CLVS1: variants seen among roughly 807,000 people sequenced by gnomAD.
CLVS1 encodes the protein clavesin 1, also known as clavesin-1.
Under a neutral mutation model 33.1 loss-of-function variants are expected in CLVS1, and 10 were observed. The ratio of observed to expected loss-of-function variants is 0.30; its 90% CI spans 0.19 to 0.51. The LOEUF is 0.51. Among genes scored for constraint, CLVS1 ranks in the 20% least tolerant of loss-of-function variants. CLVS1 has a pLI of 0.97. For missense variants in CLVS1, 343 were observed against 433.4 expected, an observed-to-expected ratio of 0.79 and a Z score of 1.85; for synonymous variants, 163 against 166.1, an observed-to-expected ratio of 0.98 and a Z score of 0.14.
At chr8:61,170,282 A>G (rs1806966473) in intron 2 of CLVS1, among the ~76,000 whole-genome samples, 1 of 152,072 alleles carries the variant, frequency 6.6e-6, no homozygotes, top group Non-Finnish European at 1.5e-5. Context: ...TTCCCACAGC[A>G]TCAGCTTGTG....
the CLVS1 span, among the ~76,000 whole-genome samples, chr8:61,017,373 A>G: frequency 6.6e-6 from 1 of 152,236 alleles, no homozygotes; most frequent in Non-Finnish European, 1.5e-5. Context: ...AGTGCTGCTA[A>G]ATGCCATAAA....
Position 61,205,564 on chromosome 8 carries a change from T to C in CLVS1, c.-152+73704T>C, listed in dbSNP as rs538164374. On this transcript the variant is annotated intron_variant, in intron 2 of 2. Transcript: ENST00000522621. Reference sequence around the variant, plus strand: ...TATGCAGATAATGCTGCTATGAACATGATGTGCAATATCTTTTGGAGTCCA... The same window carrying C: ...TATGCAGATAATGCTGCTATGAACACGATGTGCAATATCTTTTGGAGTCCA... 3.7e-4 allele frequency among the ~76,000 whole-genome samples: 57 copies of C among 152,372 alleles called. 1 individual carries two copies. The highest frequency in any genetic ancestry group is 3.1e-3 in the South Asian group (15 of 4,824).
chr8:61,474,193 T>G (rs1845256), intron 5 of CLVS1, among the ~76,000 whole-genome samples: 87,653 of 151,952 alleles, frequency 0.58, 28,540 homozygotes, highest in Non-Finnish European at 0.72. Flanking sequence ...AAACTAGATG[T>G]GGTGTTGCAG....
the CLVS1 span, among the ~76,000 whole-genome samples, chr8:61,033,746 C>T: frequency 1.3e-5 from 2 of 152,200 alleles, no homozygotes; most frequent in East Asian, 3.8e-4. Flanking sequence ...ACTGCTCAAG[C>T]AAGGAGCTCT....
At chr8:61,448,856 A>G (rs1816851674) in intron 3 of CLVS1, among the ~76,000 whole-genome samples, 1 of 152,204 alleles carries the variant, frequency 6.6e-6, no homozygotes, top group South Asian at 2.1e-4. Flanking sequence ...TGGCTAAATT[A>G]AAATCTTTGT....
intron 5 of CLVS1, among the ~76,000 whole-genome samples, chr8:61,468,090 A>G (rs1358729776): frequency 6.6e-6 from 1 of 151,124 alleles, no homozygotes; most frequent in Non-Finnish European, 1.5e-5. Context: ...TTTTAATCTC[A>G]GAGAGGGTAA....
intron 3 of CLVS1, among the ~76,000 whole-genome samples, chr8:61,445,807 C>A (rs894918463): frequency 6.6e-6 from 1 of 152,140 alleles, no homozygotes; most frequent in Non-Finnish European, 1.5e-5. Flanking sequence ...AACTTTTATT[C>A]TTGGTAGATT....
intron 3 of CLVS1, among the ~76,000 whole-genome samples, chr8:61,381,136 A>G (rs1171604457): frequency 6.6e-6 from 1 of 150,788 alleles, no homozygotes; most frequent in Non-Finnish European, 1.5e-5. Context: ...TTAACTCTTT[A>G]TTCAAGGTTT....
At chr8:61,120,125 A>C (rs1208005402) in intron 1 of CLVS1, among the ~76,000 whole-genome samples, 622 of 146,516 alleles carry the variant, frequency 4.2e-3, no homozygotes, top group African/African-American at 0.013. Flanking sequence ...CATTCATTTC[A>C]TCTTCCATCG....
chr8:61,339,758 G>A lies in CLVS1; in HGVS notation c.456-36847G>A, dbSNP rs1424971078. Among the ~76,000 whole-genome samples the A allele has an allele frequency of 2.0e-5, 3 of 147,666 alleles. No individual in the cohort carries two copies. The Admixed American group carries it at 2.0e-4, about 10-fold the overall frequency. ...GAGAGAGAAAGAGAGAAGGAGGGAGGGAGAAAGAGAGGGAAGGAAAGAAAA... is the reference window on the plus strand; with the variant it reads ...GAGAGAGAAAGAGAGAAGGAGGGAGAGAGAAAGAGAGGGAAGGAAAGAAAA... On this transcript the variant is annotated intron_variant, in intron 2 of 5. Transcript: ENST00000325897.
chr8:61,082,141 T>TAA (rs11412947), intron 1 of CLVS1, among the ~76,000 whole-genome samples: 32 of 151,082 alleles, frequency 2.1e-4, no homozygotes, highest in Non-Finnish European at 2.8e-4. Context: ...ATACTAGCAA[T>TAA]AAAAAAAAAT....
upstream of CLVS1, among the ~76,000 whole-genome samples, chr8:61,053,591 A>G (rs1585573567): frequency 6.6e-6 from 1 of 152,178 alleles, no homozygotes; most frequent in East Asian, 1.9e-4. Flanking sequence ...AGCAACAGAG[A>G]TGAGCATGTG....
At chr8:61,191,495 A>G (rs1344188922) in intron 2 of CLVS1, among the ~76,000 whole-genome samples, 1 of 152,208 alleles carries the variant, frequency 6.6e-6, no homozygotes. Context: ...CACAACTCCT[A>G]TTCAACACAG....
intron 1 of CLVS1, among the ~76,000 whole-genome samples, chr8:61,091,170 AGC>A (rs1451805510): frequency 6.6e-6 from 1 of 152,210 alleles, no homozygotes; most frequent in Non-Finnish European, 1.5e-5. Context: ...GGAGGAGTGA[AGC>A]ACAGAGGAGA....
At chr8:61,000,449 G>A in the CLVS1 span, among the ~76,000 whole-genome samples, 4 of 152,308 alleles carry the variant, frequency 2.6e-5, no homozygotes, top group East Asian at 7.7e-4. Context: ...TGGGCAAGAT[G>A]TTGCTGCTGA....
At chr8:61,091,416 G>A (rs1313646862) in intron 1 of CLVS1, among the ~76,000 whole-genome samples, 1 of 152,158 alleles carries the variant, frequency 6.6e-6, no homozygotes, top group African/African-American at 2.4e-5. Flanking sequence ...ATTTGTCATA[G>A]CAACAGTAGG....
chr8:61,199,496 A>T (rs965260185), intron 2 of CLVS1, among the ~76,000 whole-genome samples: 1 of 152,234 alleles, frequency 6.6e-6, no homozygotes, highest in African/African-American at 2.4e-5. Flanking sequence ...ACCATCAAAC[A>T]TTGGAAAAAA....
intron 2 of CLVS1, among the ~76,000 whole-genome samples, chr8:61,305,103 G>C (rs1810574092): frequency 6.6e-6 from 1 of 152,032 alleles, no homozygotes; most frequent in African/African-American, 2.4e-5. Flanking sequence ...GAGGGTCATA[G>C]GTGAGTACCA....
rs2291608 is a variant in CLVS1, at chr8:61,458,236, T to C, written c.742-71T>C. The C allele has an allele frequency of 1.4e-3, 1,596 of 1,112,942 alleles. 20 individuals carry two copies. In the East Asian group the frequency reaches 0.033, roughly 23 times the overall value. The allele number at this position is 1,112,942 out of a possible 1,614,324, so 68.9% of individuals were successfully genotyped here. A position where few individuals can be genotyped will look rare whatever the true frequency, so the allele number is the denominator to read the frequency against. On this transcript the variant is annotated intron_variant, in intron 4 of 5. Coordinates refer to ENST00000325897, the MANE Select transcript of CLVS1 (RefSeq NM_173519.3). ...CATCCAATTTGTCATGGCTAAATTG[T>C]GTATTAGATGAAATCTTTGGTCGTA...
Sources: allele counts gnomAD v4.1 joint callset (sites outside exome capture counted in the v4.1 genomes callset), GRCh38; gene constraint gnomAD v4.1.1; transcripts MANE v1.5; gene names NCBI Gene and HGNC (gene_info 2026-07-23, HGNC 2026-07-21).